The following MAST4 variants were observed in gnomAD, a reference collection of about 807,000 sequenced individuals.
The protein encoded by MAST4 is microtubule-associated serine/threonine-protein kinase 4.
Under a neutral mutation model 162.7 loss-of-function variants are expected in MAST4, and 89 were observed. The ratio of observed to expected loss-of-function variants is 0.55; its 90% confidence interval spans 0.46 to 0.65. The LOEUF is 0.65. Ranked by LOEUF, MAST4 falls within the 30% of genes least tolerant of loss-of-function variation. The probability of loss-of-function intolerance (pLI) is 0.00; values close to 1 mark genes in which losing one functional copy is unlikely to be tolerated. For synonymous variants in MAST4, 1,479 were observed against 1,361.1 expected, an observed-to-expected ratio of 1.09 and a Z score of -1.91; for missense variants, 3,153 against 3,374.0, an observed-to-expected ratio of 0.93 and a Z score of 1.62.
At chr5:66,751,058 T>C (rs1397637198) in intron 1 of MAST4, among the ~76,000 whole-genome samples, 2 of 151,876 alleles carry the variant, frequency 1.3e-5, no homozygotes, top group Non-Finnish European at 2.9e-5. Flanking sequence ...CACGGCAGGG[T>C]ATTCGAACAG....
intron 4 of MAST4, among the ~76,000 whole-genome samples, chr5:66,949,831 A>AT (rs1744457003): frequency 6.6e-6 from 1 of 152,118 alleles, no homozygotes; most frequent in East Asian, 1.9e-4. Context: ...TAGTCTGTGT[A>AT]TGTGTGTATT....
At chr5:67,128,427 G>C (rs1167706589) in intron 14 of MAST4, among the ~76,000 whole-genome samples, 1 of 151,644 alleles carries the variant, frequency 6.6e-6, no homozygotes, top group Non-Finnish European at 1.5e-5. Flanking sequence ...GTTTTTTACT[G>C]TACAGTGAAG....
chr5:67,120,813 C>T (rs879738872), intron 13 of MAST4, among the ~76,000 whole-genome samples: 4 of 152,108 alleles, frequency 2.6e-5, no homozygotes, highest in Non-Finnish European at 5.9e-5. Context: ...AGTGTGGATT[C>T]GCTTAAGTGA....
chr5:66,891,031 A>T (rs1762330223), intron 3 of MAST4, among the ~76,000 whole-genome samples: 1 of 152,222 alleles, frequency 6.6e-6, no homozygotes, highest in Admixed American at 6.5e-5. Context: ...GTCATGAATG[A>T]TGTTTAACTT....
intron 1 of MAST4, among the ~76,000 whole-genome samples, chr5:66,616,710 C>A (rs4339298): frequency 2.0e-5 from 3 of 152,232 alleles, no homozygotes. Context: ...AAGGAACAGC[C>A]TAAGAGAGTG....
chr5:67,064,613 C>A (rs1173297614), intron 5 of MAST4, among the ~76,000 whole-genome samples: 1 of 152,196 alleles, frequency 6.6e-6, no homozygotes, highest in Non-Finnish European at 1.5e-5. Flanking sequence ...ATAATATAAT[C>A]CATTTCAACC....
intron 2 of MAST4, chr5:66,783,404 A>T (rs1217514967): frequency 6.6e-6 from 1 of 152,230 alleles, no homozygotes; most frequent in East Asian, 1.9e-4. Context: ...AGTTCATGTT[A>T]TAAGTGATGG....
At chr5:66,955,043 T>C (rs955227297) in intron 4 of MAST4, among the ~76,000 whole-genome samples, 4 of 151,566 alleles carry the variant, frequency 2.6e-5, no homozygotes, top group African/African-American at 9.7e-5. Flanking sequence ...CTACAAAAAA[T>C]ACACACACAA....
intron 23 of MAST4, among the ~76,000 whole-genome samples, chr5:67,148,816 T>C (rs1771417374): frequency 6.6e-6 from 1 of 152,320 alleles, no homozygotes; most frequent in South Asian, 2.1e-4. Flanking sequence ...AGAGACACTT[T>C]AGGCACTTTT....
At chr5:67,008,147 A>C (rs1401488233) in intron 4 of MAST4, among the ~76,000 whole-genome samples, 1 of 152,186 alleles carries the variant, frequency 6.6e-6, no homozygotes, top group East Asian at 1.9e-4. Flanking sequence ...CATTTCCTCA[A>C]GGTAGTCTCA....
At chr5:66,691,351 G>GT (rs904854403) in intron 1 of MAST4, among the ~76,000 whole-genome samples, 8 of 152,060 alleles carry the variant, frequency 5.3e-5, no homozygotes, top group Non-Finnish European at 8.8e-5. Context: ...CTCCCCTAGG[G>GT]TTTTTGCCAA....
chr5:67,120,463 T>A (rs1396270108), intron 13 of MAST4, among the ~76,000 whole-genome samples: 3 of 152,248 alleles, frequency 2.0e-5, no homozygotes, highest in Non-Finnish European at 2.9e-5. Context: ...TGAGCTAAAC[T>A]TTTTAAAGAG....
At chr5:67,145,749 C>T (rs1183806358) in intron 23 of MAST4, among the ~76,000 whole-genome samples, 1 of 152,160 alleles carries the variant, frequency 6.6e-6, no homozygotes, top group African/African-American at 2.4e-5. Context: ...CTCAAAAGTT[C>T]AGTGTAAGAG....
At chr5:66,810,640 T>G (rs1756431113) in intron 3 of MAST4, among the ~76,000 whole-genome samples, 1 of 152,184 alleles carries the variant, frequency 6.6e-6, no homozygotes, top group African/African-American at 2.4e-5. Context: ...AAAGCATCTG[T>G]TGCCCTGAGA....
intron 3 of MAST4, among the ~76,000 whole-genome samples, chr5:66,896,414 T>A (rs998984237): frequency 5.3e-5 from 8 of 152,194 alleles, no homozygotes; most frequent in African/African-American, 1.9e-4. Context: ...TACTATAATG[T>A]TGCTATTGTT....
intron 1 of MAST4, among the ~76,000 whole-genome samples, chr5:66,611,703 C>T (rs992297586): frequency 8.5e-5 from 13 of 152,200 alleles, no homozygotes; most frequent in Non-Finnish European, 1.8e-4. Flanking sequence ...TGGGATACAT[C>T]GGAAGGTGCT....
intron 3 of MAST4, among the ~76,000 whole-genome samples, chr5:66,888,813 A>G (rs546289428): frequency 1.3e-5 from 2 of 152,342 alleles, no homozygotes; most frequent in Non-Finnish European, 2.9e-5. Context: ...AAGTGAACTG[A>G]AAAGTGAAAG....
At chr5:67,146,951 A>G (rs1366287304) in intron 23 of MAST4, among the ~76,000 whole-genome samples, 1 of 152,090 alleles carries the variant, frequency 6.6e-6, no homozygotes, top group East Asian at 1.9e-4. Context: ...CTTACTCTGA[A>G]TAGAGTATAT....
intron 4 of MAST4, among the ~76,000 whole-genome samples, chr5:66,940,113 G>C (rs1044177624): frequency 3.3e-5 from 5 of 152,030 alleles, no homozygotes; most frequent in African/African-American, 1.2e-4. Flanking sequence ...GTATATGTAT[G>C]TATATACACA....
Sources: gnomAD v4.1 joint callset for allele counts (sites outside exome capture counted in the v4.1 genomes callset) on GRCh38, gnomAD v4.1.1 for gene constraint, MANE v1.5 for transcripts, NCBI Gene and HGNC (gene_info 2026-07-23, HGNC 2026-07-21) for gene names.